Variants in WWOX observed in about 807,000 individuals in gnomAD.
The protein encoded by WWOX is WW domain containing oxidoreductase.
Under a neutral mutation model 46.2 loss-of-function variants are expected in WWOX, and 69 were observed. The ratio of observed to expected loss-of-function variants is 1.49; its 90% CI spans 1.23 to 1.82. The LOEUF (loss-of-function observed/expected upper bound fraction) is 1.82, where lower values mean the gene tolerates loss of function less well. Among genes scored for constraint, WWOX ranks in the 40% most tolerant of loss-of-function variants. The pLI is 0.00. For synonymous variants in WWOX, 359 were observed against 202.6 expected, an observed-to-expected ratio of 1.77 and a Z score of -6.56; for missense variants, 919 against 542.6, an observed-to-expected ratio of 1.69 and a Z score of -6.89.
intron 8 of WWOX, among the ~76,000 whole-genome samples, chr16:78,963,808 C>G (rs2046316540): frequency 6.6e-6 from 1 of 152,170 alleles, no homozygotes; most frequent in Non-Finnish European, 1.5e-5. Flanking sequence ...TGTCCCCACC[C>G]AAATCTTAAC....
At chr16:78,662,766 C>T (rs971977606) in intron 8 of WWOX, among the ~76,000 whole-genome samples, 7 of 152,160 alleles carry the variant, frequency 4.6e-5, no homozygotes, top group African/African-American at 1.7e-4. Flanking sequence ...CCAAGCTGCA[C>T]AGTTGTTGGC....
chr16:78,274,081 C>T (rs1027452942), intron 5 of WWOX, among the ~76,000 whole-genome samples: 25 of 152,154 alleles, frequency 1.6e-4, no homozygotes, highest in African/African-American at 6.0e-4. Context: ...CTCCCAAAAC[C>T]TCAATAGATT....
intron 8 of WWOX, among the ~76,000 whole-genome samples, chr16:78,609,476 GAA>G (rs770685251): frequency 2.2e-5 from 3 of 139,424 alleles, no homozygotes; most frequent in African/African-American, 7.8e-5. Context: ...ACTTAAAAAA[GAA>G]AAAAAAAAAT....
At chr16:78,855,092 C>T (rs565092962) in intron 8 of WWOX, among the ~76,000 whole-genome samples, 1 of 152,164 alleles carries the variant, frequency 6.6e-6, no homozygotes, top group African/African-American at 2.4e-5. Context: ...GGACCACCCC[C>T]CAATTATTAC....
At chr16:78,734,628 G>A (rs1234883578) in intron 8 of WWOX, among the ~76,000 whole-genome samples, 1 of 151,816 alleles carries the variant, frequency 6.6e-6, no homozygotes, top group African/African-American at 2.4e-5. Flanking sequence ...CCAGTCACAG[G>A]GTGCCCACAT....
At chr16:78,828,270 G>C (rs866542312) in intron 8 of WWOX, among the ~76,000 whole-genome samples, 3 of 152,310 alleles carry the variant, frequency 2.0e-5, no homozygotes, top group Middle Eastern at 3.4e-3. Context: ...ACAGCCTCCA[G>C]AGAGAAGAGC....
chr16:78,436,396 T>C (rs1303965069), intron 8 of WWOX, among the ~76,000 whole-genome samples: 1 of 152,216 alleles, frequency 6.6e-6, no homozygotes, highest in Non-Finnish European at 1.5e-5. Flanking sequence ...TGGACTTTTC[T>C]TGTTTCTGAC....
intron 8 of WWOX, among the ~76,000 whole-genome samples, chr16:78,454,932 C>A (rs574036886): frequency 2.0e-5 from 3 of 152,374 alleles, no homozygotes; most frequent in Admixed American, 2.0e-4. Context: ...TGCCCCAATA[C>A]TGTTTGATGT....
intron 5 of WWOX, among the ~76,000 whole-genome samples, chr16:78,275,224 C>CT (rs1302647211): frequency 2.0e-5 from 3 of 152,148 alleles, no homozygotes; most frequent in Non-Finnish European, 4.4e-5. Context: ...CCCACATCCT[C>CT]TTTTTTTAAA....
intron 8 of WWOX, among the ~76,000 whole-genome samples, chr16:78,559,486 T>G (rs1016123143): frequency 2.6e-5 from 4 of 152,196 alleles, no homozygotes; most frequent in Non-Finnish European, 4.4e-5. Flanking sequence ...ATTTATGAAA[T>G]GAATGAACTT....
chr16:78,866,918 G>T (rs1242831124), intron 8 of WWOX, among the ~76,000 whole-genome samples: 1 of 152,178 alleles, frequency 6.6e-6, no homozygotes, highest in Non-Finnish European at 1.5e-5. Context: ...TCTTTCTTTG[G>T]TCTGAAGCTT....
intron 8 of WWOX, among the ~76,000 whole-genome samples, chr16:78,888,406 G>A (rs1421354884): frequency 2.0e-5 from 3 of 152,182 alleles, no homozygotes; most frequent in Non-Finnish European, 4.4e-5. Flanking sequence ...TGTTCCAGGT[G>A]TTACTCCTAT....
Position 78,862,725 on chromosome 16 carries a change from G to A in WWOX, c.1057-348883G>A, listed in dbSNP as rs563567518. 7.9e-5 allele frequency among the ~76,000 whole-genome samples: 12 copies of A among 152,202 alleles called. No homozygotes were observed. In the East Asian group the frequency reaches 2.1e-3, roughly 27 times the overall value. ...GTCTCAGCTTGAAGTCAGGCATAGA[G>A]AGGCAATTCTTTCTCACTCAGCCTT... On this transcript the variant is annotated intron_variant, in intron 8 of 8. Transcript: ENST00000566780.
At chr16:78,301,543 A>G (rs535603358) in intron 5 of WWOX, among the ~76,000 whole-genome samples, 1 of 152,304 alleles carries the variant, frequency 6.6e-6, no homozygotes, top group Non-Finnish European at 1.5e-5. Flanking sequence ...ACATGGGAGA[A>G]GAGGGAGGAA....
chr16:79,090,987 C>G (rs547946552), intron 8 of WWOX, among the ~76,000 whole-genome samples: 7 of 151,988 alleles, frequency 4.6e-5, no homozygotes, highest in Non-Finnish European at 1.0e-4. Flanking sequence ...TTGTAGATAC[C>G]ATGTTGGCCA....
intron 8 of WWOX, among the ~76,000 whole-genome samples, chr16:78,760,869 G>C (rs2049775100): frequency 1.3e-5 from 2 of 152,166 alleles, no homozygotes; most frequent in Middle Eastern, 3.2e-3. Flanking sequence ...TGTCTGGGGA[G>C]GCCTCACAAT....
intron 8 of WWOX, among the ~76,000 whole-genome samples, chr16:78,596,195 A>G (rs1179361576): frequency 6.6e-6 from 1 of 152,192 alleles, no homozygotes; most frequent in Non-Finnish European, 1.5e-5. Context: ...ACAAAACAAA[A>G]CATGATATCC....
chr16:78,841,958 G>A (rs1029896608), intron 8 of WWOX, among the ~76,000 whole-genome samples: 7 of 152,112 alleles, frequency 4.6e-5, no homozygotes, highest in African/African-American at 7.2e-5. Flanking sequence ...GCTGGCAGAC[G>A]TGTGGGACAC....
intron 8 of WWOX, among the ~76,000 whole-genome samples, chr16:78,494,983 T>C (rs1010760044): frequency 6.6e-6 from 1 of 152,196 alleles, no homozygotes; most frequent in African/African-American, 2.4e-5. Context: ...AGGTTTCTTA[T>C]GCTGTGGCGA....
Sources: gnomAD v4.1 joint callset for allele counts (sites outside exome capture counted in the v4.1 genomes callset) on GRCh38, gnomAD v4.1.1 for gene constraint, MANE v1.5 for transcripts, NCBI Gene and HGNC (gene_info 2026-07-23, HGNC 2026-07-21) for gene names.